CHST9: variants seen among roughly 807,000 people sequenced by gnomAD.
CHST9 encodes carbohydrate sulfotransferase 9.
Under a neutral mutation model 44.4 loss-of-function variants are expected in CHST9, and 41 were observed. That is an observed-to-expected ratio of 0.92 (90% CI 0.72 to 1.20). The LOEUF (loss-of-function observed/expected upper bound fraction) is 1.20. Ranked by LOEUF, CHST9 falls within the 50% of genes most tolerant of loss-of-function variation. CHST9 has a pLI of 0.00. For synonymous variants in CHST9, 171 were observed against 178.4 expected, an observed-to-expected ratio of 0.96 and a Z score of 0.33; for missense variants, 504 against 516.5, an observed-to-expected ratio of 0.98 and a Z score of 0.23.
intron 3 of CHST9, among the ~76,000 whole-genome samples, chr18:27,038,221 T>C (rs1598660661): frequency 6.6e-6 from 1 of 152,168 alleles, no homozygotes; most frequent in African/African-American, 2.4e-5. Context: ...TTAAAAAATA[T>C]TTTGTACATT....
chr18:27,077,401 T>G (rs756720722), intron 2 of CHST9, among the ~76,000 whole-genome samples: 3 of 152,204 alleles, frequency 2.0e-5, no homozygotes, highest in Non-Finnish European at 4.4e-5. Context: ...TTCTGTATTT[T>G]CACTTAGTGT....
At chr18:27,011,724 C>G (rs1344658313) in intron 4 of CHST9, among the ~76,000 whole-genome samples, 1 of 152,246 alleles carries the variant, frequency 6.6e-6, no homozygotes, top group Non-Finnish European at 1.5e-5. Flanking sequence ...GTTCCAAACT[C>G]TCAGTCTCAA....
chr18:27,126,652 T>C (rs2058426422), intron 2 of CHST9, among the ~76,000 whole-genome samples: 1 of 152,010 alleles, frequency 6.6e-6, no homozygotes, highest in Admixed American at 6.6e-5. Context: ...AGAGGCCACA[T>C]CATGAAGGGT....
At chr18:26,934,119 G>A (rs1401805346) in intron 5 of CHST9, among the ~76,000 whole-genome samples, 1 of 152,228 alleles carries the variant, frequency 6.6e-6, no homozygotes, top group Admixed American at 6.5e-5. Context: ...AGAGGAGGTC[G>A]GGACCACACC....
At chr18:26,987,471 G>A (rs775925842) in intron 4 of CHST9, among the ~76,000 whole-genome samples, 3 of 152,072 alleles carry the variant, frequency 2.0e-5, no homozygotes, top group East Asian at 1.9e-4. Flanking sequence ...ATAAAAAACC[G>A]AAAAAAGTTG....
intron 2 of CHST9, among the ~76,000 whole-genome samples, chr18:27,105,184 CATG>C (rs1220764222): frequency 6.6e-6 from 1 of 152,014 alleles, no homozygotes; most frequent in African/African-American, 2.4e-5. Context: ...AAAAAAGATA[CATG>C]GCCTTTCACT....
intron 1 of CHST9, among the ~76,000 whole-genome samples, chr18:27,148,042 T>G (rs1212919531): frequency 6.6e-6 from 1 of 152,038 alleles, no homozygotes; most frequent in Non-Finnish European, 1.5e-5. Context: ...TAGGCTCCAG[T>G]GTCTGCTGTT....
At chr18:27,176,029 G>A (rs1397434876) in intron 1 of CHST9, among the ~76,000 whole-genome samples, 1 of 151,988 alleles carries the variant, frequency 6.6e-6, no homozygotes. Flanking sequence ...ACTAGAGAAT[G>A]CTTGAGTTTG....
At chr18:27,166,563 G>C (rs2058792165) in intron 1 of CHST9, among the ~76,000 whole-genome samples, 1 of 152,126 alleles carries the variant, frequency 6.6e-6, no homozygotes, top group Non-Finnish European at 1.5e-5. Context: ...TAGACACAGT[G>C]AGTGGAACAG....
chr18:26,986,873 G>A (rs1221662684), intron 4 of CHST9, among the ~76,000 whole-genome samples: 2 of 152,082 alleles, frequency 1.3e-5, no homozygotes, highest in East Asian at 3.8e-4. Context: ...AGATGTTTGT[G>A]TACATATAAA....
At chr18:27,144,121 C>A (rs1443176487) in intron 1 of CHST9, among the ~76,000 whole-genome samples, 1 of 152,122 alleles carries the variant, frequency 6.6e-6, no homozygotes, top group African/African-American at 2.4e-5. Context: ...TGGCCAGAAA[C>A]CCTGGCTCAG....
At chr18:26,928,342 G>A (rs1175768422) in intron 5 of CHST9, 1 of 152,334 alleles carries the variant, frequency 6.6e-6, no homozygotes, top group Non-Finnish European at 1.5e-5. Context: ...GACGGGAGTT[G>A]GAATGCTCCC....
chr18:27,006,424 G>C (rs1193233209), intron 4 of CHST9, among the ~76,000 whole-genome samples: 2 of 152,044 alleles, frequency 1.3e-5, no homozygotes, highest in Admixed American at 6.5e-5. Context: ...GCAATGTGTG[G>C]GTCATGAACT....
intron 2 of CHST9, among the ~76,000 whole-genome samples, chr18:27,129,840 G>A (rs1055450958): frequency 2.0e-5 from 3 of 152,060 alleles, no homozygotes; most frequent in African/African-American, 7.2e-5. Flanking sequence ...TTCAGCTGGA[G>A]AACAGAAACC....
intron 5 of CHST9, among the ~76,000 whole-genome samples, chr18:26,942,026 G>C (rs2056090410): frequency 6.6e-6 from 1 of 151,188 alleles, no homozygotes; most frequent in Admixed American, 6.6e-5. Flanking sequence ...TAATGGGAAG[G>C]ATTTAGCGGC....
intron 5 of CHST9, among the ~76,000 whole-genome samples, chr18:26,941,951 C>T (rs1352003895): frequency 6.6e-6 from 1 of 152,090 alleles, no homozygotes; most frequent in African/African-American, 2.4e-5. Context: ...TCATAGCCTG[C>T]CTGATGTGGG....
chr18:27,175,515 T>C (rs1434412668), intron 1 of CHST9, among the ~76,000 whole-genome samples: 3 of 151,988 alleles, frequency 2.0e-5, no homozygotes, highest in African/African-American at 7.2e-5. Flanking sequence ...AAACCACATC[T>C]AAATTATGGA....
At chr18:27,110,730 A>G (rs1249468221) in intron 2 of CHST9, among the ~76,000 whole-genome samples, 1 of 152,220 alleles carries the variant, frequency 6.6e-6, no homozygotes, top group Non-Finnish European at 1.5e-5. Flanking sequence ...AATTCAGATC[A>G]CATGCCAATT....
In CHST9 at chr18:26,906,796, T is replaced by C. The variant is rs180707231; in HGVS notation, c.*9463A>G. Reference sequence around the variant, plus strand: ...GAGATGACAAATGCCTCCCTGAGCTTAGTTTAGGGATTAGGAAGTGTTGGG... The same window carrying C: ...GAGATGACAAATGCCTCCCTGAGCTCAGTTTAGGGATTAGGAAGTGTTGGG... On this transcript the variant is annotated 3_prime_UTR_variant, in exon 6 of 6. Transcript: ENST00000618847. 4 of 152,058 alleles carry C rather than the reference T, an allele frequency of 2.6e-5. No homozygotes were observed. The highest frequency in any genetic ancestry group is 5.9e-5 in the Non-Finnish European group (4 of 68,034). The allele number at this position is 152,058 out of a possible 1,614,324, so 9.4% of individuals were successfully genotyped here.
Sources: allele counts gnomAD v4.1 joint callset (sites outside exome capture counted in the v4.1 genomes callset), GRCh38; gene constraint gnomAD v4.1.1; transcripts MANE v1.5; gene names NCBI Gene and HGNC (gene_info 2026-07-23, HGNC 2026-07-21).